BMPR1A: variants seen among roughly 807,000 people sequenced by gnomAD.
BMPR1A encodes bone morphogenetic protein receptor type 1A.
A neutral mutation model predicts 66.0 loss-of-function variants in BMPR1A; 7 were observed. That is an observed-to-expected ratio of 0.11 (90% CI 0.06 to 0.20). The LOEUF (loss-of-function observed/expected upper bound fraction) is 0.20. Ranked by LOEUF, BMPR1A falls within the 10% of genes least tolerant of loss-of-function variation. The probability of loss-of-function intolerance (pLI) is 1.00; values close to 1 mark genes in which losing one functional copy is unlikely to be tolerated. For synonymous variants in BMPR1A, 200 were observed against 229.7 expected, an observed-to-expected ratio of 0.87 and a Z score of 1.17; for missense variants, 408 against 669.1, an observed-to-expected ratio of 0.61 and a Z score of 4.31.
At chr10:86,778,610 A>G (rs1841390577) in intron 1 of BMPR1A, among the ~76,000 whole-genome samples, 1 of 152,126 alleles carries the variant, frequency 6.6e-6, no homozygotes, top group Non-Finnish European at 1.5e-5. Flanking sequence ...AACGTTTGAT[A>G]TTCTCCTTCT....
intron 3 of BMPR1A, among the ~76,000 whole-genome samples, chr10:86,883,871 C>CTTTTTTTTTTTT (rs111255462): frequency 1.5e-5 from 2 of 135,250 alleles, no homozygotes; most frequent in Non-Finnish European, 1.6e-5. Flanking sequence ...GAGCGTATGA[C>CTTTTTTTTTTTT]TTTTTTTTTT....
intron 1 of BMPR1A, among the ~76,000 whole-genome samples, chr10:86,790,221 A>C (rs1564685616): frequency 9.8e-6 from 1 of 102,188 alleles, no homozygotes; most frequent in African/African-American, 3.9e-5. Context: ...ATATATATAT[A>C]TATATATATA....
At chr10:86,894,670 A>G (rs1843199953) in intron 5 of BMPR1A, among the ~76,000 whole-genome samples, 1 of 152,214 alleles carries the variant, frequency 6.6e-6, no homozygotes, top group African/African-American at 2.4e-5. Context: ...CCTTCGGACA[A>G]GGTGCTCTGC....
At chr10:86,800,745 TAATG>T (rs1334268458) in intron 1 of BMPR1A, among the ~76,000 whole-genome samples, 1 of 152,208 alleles carries the variant, frequency 6.6e-6, no homozygotes, top group Admixed American at 6.5e-5. Context: ...TTTGCGAAAA[TAATG>T]AACATTTCTA....
At chr10:86,819,279 T>C (rs901300655) in intron 1 of BMPR1A, among the ~76,000 whole-genome samples, 2 of 152,192 alleles carry the variant, frequency 1.3e-5, no homozygotes, top group African/African-American at 2.4e-5. Flanking sequence ...TAGAAAACTT[T>C]TCAATTATAC....
intron 6 of BMPR1A, 43 bp from the exon 7 acceptor site, chr10:86,899,984 T>C (rs772406542): frequency 5.0e-6 from 8 of 1,612,112 alleles, no homozygotes; most frequent in Non-Finnish European, 6.8e-6. Context: ...CGTCAGATTA[T>C]TTTTTCATTT....
At chr10:86,777,383 C>A (rs940889907) in intron 1 of BMPR1A, among the ~76,000 whole-genome samples, 3 of 151,652 alleles carry the variant, frequency 2.0e-5, no homozygotes, top group African/African-American at 4.8e-5. Context: ...AGTTTGAGAT[C>A]GGAGTGGACA....
intron 1 of BMPR1A, among the ~76,000 whole-genome samples, chr10:86,795,383 T>C (rs909390591): frequency 6.6e-6 from 1 of 150,408 alleles, no homozygotes; most frequent in African/African-American, 2.5e-5. Context: ...AATATCACTA[T>C]GTTAAGCAAA....
chr10:86,782,255 C>T (rs1022678528), intron 1 of BMPR1A, among the ~76,000 whole-genome samples: 16 of 152,120 alleles, frequency 1.1e-4, no homozygotes, highest in African/African-American at 1.9e-4. Flanking sequence ...GTTAATTACA[C>T]GTTTTGGCTA....
intron 1 of BMPR1A, among the ~76,000 whole-genome samples, chr10:86,782,897 T>C (rs921084335): frequency 6.6e-6 from 1 of 152,248 alleles, no homozygotes; most frequent in African/African-American, 2.4e-5. Flanking sequence ...TCTGTGTCTA[T>C]TTTTGCCTTT....
chr10:86,862,699 A>G (rs984714262), intron 2 of BMPR1A, among the ~76,000 whole-genome samples: 1 of 152,136 alleles, frequency 6.6e-6, no homozygotes, highest in Admixed American at 6.5e-5. Context: ...ATTTGATGAC[A>G]GGAAATGGAA....
intron 7 of BMPR1A, among the ~76,000 whole-genome samples, chr10:86,911,786 T>C (rs1026142614): frequency 4.0e-5 from 6 of 151,856 alleles, no homozygotes; most frequent in East Asian, 1.9e-4. Flanking sequence ...GAGTAGGCAG[T>C]TCACAGAAAA....
chr10:86,777,284 A>T (rs1040114692), intron 1 of BMPR1A, among the ~76,000 whole-genome samples: 17 of 152,320 alleles, frequency 1.1e-4, no homozygotes, highest in African/African-American at 4.1e-4. Context: ...TGTGGTTTAG[A>T]AAAATGGATA....
chr10:86,892,070 G>A lies in BMPR1A; in HGVS notation c.231-57G>A, dbSNP rs115583244. ...CTGTTCACATTCAGACTCAAATTTC[G>A]TTAGTACTTTCTATGTGAATTTATG... On this transcript the variant is annotated intron_variant, in intron 4 of 12. Transcript: ENST00000372037. The A allele has an allele frequency of 1.1e-3, 1,527 of 1,415,460 alleles. 19 individuals carry two copies. The African/African-American group carries it at 0.02, about 18-fold the overall frequency. The allele number at this position is 1,415,460 out of a possible 1,614,324, so 87.7% of individuals were successfully genotyped here.
intron 1 of BMPR1A, among the ~76,000 whole-genome samples, chr10:86,774,938 C>G (rs1841322906): frequency 6.6e-6 from 1 of 152,204 alleles, no homozygotes; most frequent in Non-Finnish European, 1.5e-5. Flanking sequence ...GGGTAATTTT[C>G]TACCTGGGGC....
At chr10:86,844,045 A>G (rs540915326) in intron 2 of BMPR1A, among the ~76,000 whole-genome samples, 11 of 152,298 alleles carry the variant, frequency 7.2e-5, no homozygotes, top group African/African-American at 2.6e-4. Flanking sequence ...TGGTGGGGAT[A>G]ATGTTGGCCT....
chr10:86,859,200 G>A (rs1225747213), intron 2 of BMPR1A, among the ~76,000 whole-genome samples: 3 of 152,056 alleles, frequency 2.0e-5, no homozygotes, highest in Non-Finnish European at 1.5e-5. Context: ...TGGGAAAACT[G>A]GATATACATA....
intron 3 of BMPR1A, among the ~76,000 whole-genome samples, chr10:86,887,240 C>A (rs1237193212): frequency 2.0e-5 from 3 of 152,166 alleles, no homozygotes; most frequent in African/African-American, 7.2e-5. Flanking sequence ...GATGCCACAT[C>A]TTTGCGTTTC....
chr10:86,826,644 T>C (rs1276666669), intron 1 of BMPR1A, among the ~76,000 whole-genome samples: 1 of 152,196 alleles, frequency 6.6e-6, no homozygotes, highest in African/African-American at 2.4e-5. Context: ...ACTATATAGA[T>C]GGCATTAATT....
Sources: allele counts gnomAD v4.1 joint callset (sites outside exome capture counted in the v4.1 genomes callset), GRCh38; gene constraint gnomAD v4.1.1; transcripts MANE v1.5; gene names NCBI Gene and HGNC (gene_info 2026-07-23, HGNC 2026-07-21).